MAP2K5: variants seen among roughly 807,000 people sequenced by gnomAD.
The protein encoded by MAP2K5 is dual specificity mitogen-activated protein kinase kinase 5.
A neutral mutation model predicts 83.1 loss-of-function variants in MAP2K5; 49 were observed. That is an observed-to-expected ratio of 0.59 (90% CI 0.47 to 0.75). The LOEUF is 0.75. Among genes scored for constraint, MAP2K5 ranks in the 30% least tolerant of loss-of-function variants. MAP2K5 has a pLI of 0.00. For missense variants in MAP2K5, 457 were observed against 557.5 expected (o/e 0.82, Z 1.82); for synonymous variants, 202 against 191.8 (o/e 1.05, Z -0.44).
chr15:67,764,233 G>A lies in MAP2K5; in HGVS notation c.1135-5369G>A, dbSNP rs1181642164. Among the ~76,000 whole-genome samples, 1 of 152,182 alleles carries A rather than the reference G, an allele frequency of 6.6e-6. No homozygotes were observed. Among genetic ancestry groups the A allele is most frequent in the Admixed American group, 6.5e-5 (1 of 15,278 alleles). ...TCTTCCTTTGCTTTACTGCCAGTATGCATAAGGTTTGAAGGAATGTCTGTT... is the reference window on the plus strand; with the variant it reads ...TCTTCCTTTGCTTTACTGCCAGTATACATAAGGTTTGAAGGAATGTCTGTT... On this transcript the variant is annotated intron_variant, in intron 19 of 21. Coordinates refer to ENST00000178640, the MANE Select transcript of MAP2K5 (RefSeq NM_145160.3). This position sits in a 1 kb window ranked among gnomAD's most constrained non-coding sequence, Gnocchi z 4.9.
Position 67,565,170 on chromosome 15 carries a change from T to A in MAP2K5, c.252+1820T>A, listed in dbSNP as rs2084812176. Among the ~76,000 whole-genome samples the A allele has an allele frequency of 6.6e-6, 1 of 152,186 alleles. No homozygotes were observed. The highest frequency in any genetic ancestry group is 2.4e-5 in the African/African-American group (1 of 41,458). ...TGCCCAAGCTGTTGCTCATTTACTG[T>A]TTTACACTGTCTCTCCCCCACCTTC... On this transcript the variant is annotated intron_variant, in intron 3 of 21. Coordinates refer to ENST00000178640, the MANE Select transcript of MAP2K5 (RefSeq NM_145160.3). This position sits in a 1 kb window ranked among gnomAD's most constrained non-coding sequence, Gnocchi z 4.1.
chr15:67,575,401 G>A (rs529100568), intron 3 of MAP2K5, among the ~76,000 whole-genome samples: 1 of 152,032 alleles, frequency 6.6e-6, no homozygotes. Flanking sequence ...AGTGGTTGTT[G>A]CCAAAGAAAG....
At chr15:67,752,245 T>C (rs539967947) in intron 19 of MAP2K5, among the ~76,000 whole-genome samples, 7 of 152,018 alleles carry the variant, frequency 4.6e-5, no homozygotes, top group African/African-American at 1.7e-4. Context: ...TTTTGTATTA[T>C]TAGTAGAGAC....
intron 17 of MAP2K5, among the ~76,000 whole-genome samples, chr15:67,737,483 C>T (rs1032580991): frequency 2.0e-5 from 3 of 152,092 alleles, no homozygotes; most frequent in African/African-American, 4.8e-5. Flanking sequence ...GGGAATTCTT[C>T]CTCAACTAAA....
intron 16 of MAP2K5, among the ~76,000 whole-genome samples, chr15:67,711,203 T>A (rs1316044426): frequency 1.3e-5 from 2 of 152,244 alleles, no homozygotes; most frequent in African/African-American, 2.4e-5. Context: ...TTGACTCAAA[T>A]TTTTCCTACT....
intron 16 of MAP2K5, among the ~76,000 whole-genome samples, chr15:67,715,775 A>G (rs1436983190): frequency 6.6e-6 from 1 of 152,148 alleles, no homozygotes; most frequent in Non-Finnish European, 1.5e-5. Flanking sequence ...AGAAGGCTGA[A>G]CCTCCTGAAG....
intron 17 of MAP2K5, among the ~76,000 whole-genome samples, chr15:67,741,831 C>G (rs1223080004): frequency 6.6e-6 from 1 of 152,090 alleles, no homozygotes. Context: ...ACTTATATGC[C>G]ATAGCTCCAG....
intron 16 of MAP2K5, among the ~76,000 whole-genome samples, chr15:67,715,960 G>A (rs1277893419): frequency 6.6e-6 from 1 of 152,172 alleles, no homozygotes; most frequent in Non-Finnish European, 1.5e-5. Flanking sequence ...AGGACTGTTT[G>A]TCTCAGATTT....
In MAP2K5 at chr15:67,693,548, G is replaced by A; in HGVS notation, c.952G>A (p.Gly318Arg). 6.2e-7 allele frequency: 1 copy of A among 1,611,570 alleles called. No homozygotes were observed. The highest frequency in any genetic ancestry group is 8.5e-7 in the Non-Finnish European group (1 of 1,178,534). Residue 318 changes from glycine (G) to arginine (R), a missense_variant, in exon 15 of 22, where the codon GGA becomes AGA. Coordinates refer to ENST00000178640, the MANE Select transcript of MAP2K5 (RefSeq NM_145160.3). Reference protein sequence around the residue: ...LVNSIAKTYVGTNAYMAPERI... With the variant: ...LVNSIAKTYVRTNAYMAPERI... ...GAATTCTATAGCCAAGACGTATGTTGGAACAAATGCTTATATGGCGGTAAG... is the reference window on the plus strand; with the variant it reads ...GAATTCTATAGCCAAGACGTATGTTAGAACAAATGCTTATATGGCGGTAAG...
rs2090286362 is a variant in MAP2K5, at chr15:67,779,231, G to A, written c.1242+6479G>A. Among the ~76,000 whole-genome samples, 2 of 152,114 alleles carry A rather than the reference G, an allele frequency of 1.3e-5. No homozygotes were observed. Among genetic ancestry groups the A allele is most frequent in the Non-Finnish European group, 2.9e-5 (2 of 68,028 alleles). ...ATGGAATTTTTTTTTAAGTTCTGAA[G>A]GCCATTAAAATCATCTGTTTGTGTC... On this transcript the variant is annotated intron_variant, in intron 21 of 21. Transcript: ENST00000178640. This position sits in a 1 kb window ranked among gnomAD's most constrained non-coding sequence, Gnocchi z 4.6.
At chr15:67,729,062 G>A (rs374981620) in intron 17 of MAP2K5, among the ~76,000 whole-genome samples, 1 of 152,120 alleles carries the variant, frequency 6.6e-6, no homozygotes, top group Non-Finnish European at 1.5e-5. Context: ...AGACTTTTTT[G>A]TTTAAATGTA....
In MAP2K5 at chr15:67,755,806, G is replaced by A. The variant is rs995667880; in HGVS notation, c.1134+7205G>A. Among the ~76,000 whole-genome samples the A allele has an allele frequency of 1.3e-5, 2 of 152,172 alleles. No individual in the cohort carries two copies. The highest frequency in any genetic ancestry group is 4.8e-5 in the African/African-American group (2 of 41,428). On this transcript the variant is annotated intron_variant, in intron 19 of 21. Coordinates refer to ENST00000178640, the MANE Select transcript of MAP2K5 (RefSeq NM_145160.3). This position sits in a 1 kb window ranked among gnomAD's most constrained non-coding sequence, Gnocchi z 4.7. ...TATAAGTGGGATTTTGTAATGATGA[G>A]CTGTTGAATTCAGGGCTTTTTGCCA...
intron 2 of MAP2K5, among the ~76,000 whole-genome samples, chr15:67,554,867 T>C (rs2084591976): frequency 6.6e-6 from 1 of 152,232 alleles, no homozygotes; most frequent in African/African-American, 2.4e-5. Context: ...TCTAAATGAG[T>C]AATTTGCGTT....
intron 17 of MAP2K5, among the ~76,000 whole-genome samples, chr15:67,745,379 G>A (rs1038945265): frequency 2.0e-5 from 3 of 152,172 alleles, no homozygotes; most frequent in Admixed American, 1.3e-4. Context: ...TTATATTGAG[G>A]ACCCTTGGTT....
chr15:67,666,653 G>A (rs2087388019), intron 13 of MAP2K5, among the ~76,000 whole-genome samples: 1 of 152,314 alleles, frequency 6.6e-6, no homozygotes, highest in East Asian at 1.9e-4. Context: ...TGGTTTGACT[G>A]ATGGAGAGCA....
At position 67,768,909 on chromosome 15, in the gene MAP2K5, G is replaced by T. The variant is rs2090092539; in HGVS notation, c.1135-693G>T. On this transcript the variant is annotated intron_variant, in intron 19 of 21. Coordinates refer to ENST00000178640, the MANE Select transcript of MAP2K5 (RefSeq NM_145160.3). This position sits in a 1 kb window ranked among gnomAD's most constrained non-coding sequence, Gnocchi z 4.0. ...CTCTTTGTATTATGTGGTGGTGGTT[G>T]TTTGTTGCTGTGTAGTTTTCTGCTT... Among the ~76,000 whole-genome samples the T allele has an allele frequency of 1.3e-5, 2 of 152,188 alleles. No individual in the cohort carries two copies. Among genetic ancestry groups the T allele is most frequent in the Admixed American group, 6.5e-5 (1 of 15,272 alleles).
intron 3 of MAP2K5, among the ~76,000 whole-genome samples, chr15:67,569,975 C>T (rs1463346002): frequency 6.6e-6 from 1 of 152,194 alleles, no homozygotes; most frequent in East Asian, 1.9e-4. Flanking sequence ...AGAGGAATAG[C>T]AGAATTGCTA....
At chr15:67,789,229 A>G (rs1403329532) in intron 21 of MAP2K5, among the ~76,000 whole-genome samples, 3 of 152,168 alleles carry the variant, frequency 2.0e-5, no homozygotes, top group Non-Finnish European at 4.4e-5. Context: ...CTATGGATGT[A>G]TCATATTTAT....
chr15:67,756,502 CCA>C (rs1462447146), intron 19 of MAP2K5, among the ~76,000 whole-genome samples: 1 of 144,304 alleles, frequency 6.9e-6, no homozygotes, highest in Non-Finnish European at 1.5e-5. Context: ...ATATCTAACC[CCA>C]CACACAGTTA....
Sources: allele counts gnomAD v4.1 joint callset (sites outside exome capture counted in the v4.1 genomes callset), GRCh38; gene constraint gnomAD v4.1.1; non-coding constraint Gnocchi (gnomAD v3.1); transcripts MANE v1.5; gene names NCBI Gene and HGNC (gene_info 2026-07-23, HGNC 2026-07-21).